The following SNAPC3 variants were observed in gnomAD, a reference collection of about 807,000 sequenced individuals.
SNAPC3 encodes snRNA-activating protein complex subunit 3.
A neutral mutation model predicts 47.7 loss-of-function variants in SNAPC3; 56 were observed. The observed-to-expected ratio is 1.18, with a 90% CI of 0.95 to 1.47. The LOEUF (loss-of-function observed/expected upper bound fraction) is 1.47. SNAPC3 is among the 40% of genes most tolerant of loss of function. The probability of loss-of-function intolerance (pLI) is 0.00; values close to 1 mark genes in which losing one functional copy is unlikely to be tolerated. For missense variants in SNAPC3, 665 were observed against 511.3 expected, an observed-to-expected ratio of 1.30 and a Z score of -2.90; for synonymous variants, 235 against 189.9, an observed-to-expected ratio of 1.24 and a Z score of -1.95.
intron 3 of SNAPC3, among the ~76,000 whole-genome samples, chr9:15,441,340 A>G (rs1368497923): frequency 7.2e-6 from 1 of 138,438 alleles, no homozygotes; most frequent in African/African-American, 2.7e-5. Flanking sequence ...TAATAGCTGT[A>G]TCAATTTGCA....
At position 15,451,216 on chromosome 9, in the gene SNAPC3, A is replaced by C. The variant is rs547078595; in HGVS notation, c.733-104A>C. The C allele has an allele frequency of 1.8e-3, 808 of 456,040 alleles. 3 individuals carry two copies. Among genetic ancestry groups the C allele is most frequent in the African/African-American group, 0.015 (752 of 50,372 alleles). The allele number at this position is 456,040 out of a possible 1,614,324, so 28.2% of individuals were successfully genotyped here. ...GAAAATAGTAGCAGTTTTTTAACAC[A>C]TATTAGTGTGATTTTATGATATATC... On this transcript the variant is annotated intron_variant, in intron 5 of 8. Coordinates refer to ENST00000380821, the MANE Select transcript of SNAPC3 (RefSeq NM_001039697.2).
intron 3 of SNAPC3, among the ~76,000 whole-genome samples, chr9:15,434,447 G>A (rs1178785111): frequency 6.3e-5 from 9 of 142,964 alleles, no homozygotes; most frequent in East Asian, 4.1e-4. Context: ...TCGCTGTGTC[G>A]CCCAGGCTGG....
At chr9:15,423,492 A>G (rs899760861) in intron 1 of SNAPC3, among the ~76,000 whole-genome samples, 2 of 152,174 alleles carry the variant, frequency 1.3e-5, no homozygotes, top group Non-Finnish European at 2.9e-5. Context: ...AATCAGGGCA[A>G]CAGCGACGTG....
chr9:15,463,910 A>ATT (rs1025309413), downstream of SNAPC3: 2 of 155,736 alleles, frequency 1.3e-5, no homozygotes, highest in Non-Finnish European at 2.8e-5. Flanking sequence ...TATTACCTTT[A>ATT]TTTTTTATCA....
downstream of SNAPC3, chr9:15,462,745 A>G (rs76248571): frequency 2.2e-4 from 34 of 152,394 alleles, no homozygotes; most frequent in East Asian, 6.0e-3. Context: ...GAGAAAGGTC[A>G]GTCATCTCTA....
rs41311434 is a variant in SNAPC3, at chr9:15,447,193, T to G, written c.681T>G (p.Ile227Met). ...TTCGATGTGTCAGTGACCTCCAGATTGGTGGTGAATTCAGCAACACTCCTG... is the reference window on the plus strand; with the variant it reads ...TTCGATGTGTCAGTGACCTCCAGATGGGTGGTGAATTCAGCAACACTCCTG... ...DSIRCVSDLQ[I>M]GGEFSNTPDQ... The change falls in exon 5 of 9, where the codon ATT (isoleucine) becomes ATG (methionine). Residue 227 changes from isoleucine (I) to methionine (M), a missense_variant. Transcript: ENST00000380821. 12,167 of 1,614,002 alleles carry G rather than the reference T, an allele frequency of 7.5e-3. 63 individuals carry two copies. The highest frequency in any genetic ancestry group is 9.1e-3 in the Non-Finnish European group (10,752 of 1,179,902).
At chr9:15,439,807 T>G (rs746547620) in intron 3 of SNAPC3, among the ~76,000 whole-genome samples, 4 of 152,204 alleles carry the variant, frequency 2.6e-5, no homozygotes, top group Non-Finnish European at 5.9e-5. Context: ...GTGCTGAGAT[T>G]ACAGGTGTGA....
At chr9:15,431,710 A>G (rs989083808) in intron 2 of SNAPC3, among the ~76,000 whole-genome samples, 6 of 152,256 alleles carry the variant, frequency 3.9e-5, no homozygotes, top group East Asian at 1.9e-4. Context: ...AATGTGTCAC[A>G]TATTTTTCAC....
chr9:15,440,717 A>C (rs2033253966), intron 3 of SNAPC3, among the ~76,000 whole-genome samples: 1 of 152,184 alleles, frequency 6.6e-6, no homozygotes, highest in South Asian at 2.1e-4. Flanking sequence ...TGGGAGGCCG[A>C]GGCGGGCGGA....
chr9:15,465,721 T>TA (rs2035578915), downstream of SNAPC3: 1 of 622,312 alleles, frequency 1.6e-6, no homozygotes. Context: ...GACTTGTTAT[T>TA]AGAACAGTCA....
In SNAPC3 at chr9:15,437,622, GTT is replaced by G. The variant is rs577506548; in HGVS notation, c.477+4001_477+4002del. On this transcript the variant is annotated intron_variant, in intron 3 of 8. Coordinates refer to ENST00000380821, the MANE Select transcript of SNAPC3 (RefSeq NM_001039697.2). ...GTGTCAGTCGAGGTAATGATCTGTTGTTTTTTTTTTTTTTTTGCCCCATCATT... is the reference window on the plus strand; with the variant it reads ...GTGTCAGTCGAGGTAATGATCTGTTGTTTTTTTTTTTTTTGCCCCATCATT... Among the ~76,000 whole-genome samples the G allele has an allele frequency of 5.5e-3, 634 of 115,670 alleles. 3 individuals carry two copies. Among genetic ancestry groups the G allele is most frequent in the African/African-American group, 0.017 (579 of 33,668 alleles). The allele number at this position is 115,670 out of a possible 152,430, so 75.9% of individuals were successfully genotyped here.
At chr9:15,445,828 A>T (rs2033885716) in intron 4 of SNAPC3, among the ~76,000 whole-genome samples, 1 of 152,168 alleles carries the variant, frequency 6.6e-6, no homozygotes, top group African/African-American at 2.4e-5. Flanking sequence ...GTGTGCCTGT[A>T]GTCCCAGTTA....
chr9:15,451,485 C>G, intron 6 of SNAPC3, 83 bp downstream of exon 6: 1 of 570,492 alleles, frequency 1.8e-6, no homozygotes, highest in South Asian at 3.2e-5. Flanking sequence ...CTATTATTGG[C>G]CTATTAAGGA....
chr9:15,463,817 G>C (rs2035413746), downstream of SNAPC3: 1 of 152,232 alleles, frequency 6.6e-6, no homozygotes, highest in African/African-American at 2.4e-5. Context: ...TCTATCTCTA[G>C]AATTGGAATA....
chr9:15,423,084 T>A lies in SNAPC3; in HGVS notation c.205T>A (p.Ser69Thr), dbSNP rs1320453430. 9 of 1,526,964 alleles carry A rather than the reference T, an allele frequency of 5.9e-6. No homozygotes were observed. Among genetic ancestry groups the A allele is most frequent in the East Asian group, 2.5e-5 (1 of 39,692 alleles). 94.6% of individuals were successfully genotyped at this position (1,526,964 alleles called of 1,614,324 possible). A position where few individuals can be genotyped will look rare whatever the true frequency, so the allele number is the denominator to read the frequency against. ...CTTGTCGCTGAGGGAGCCGCCGGCA[T>A]CCGCTCTGCCTGGGAGCCAGGCAGC... ...GDLSLREPPA[S>T]ALPGSQAADS... Residue 69 changes from serine (S) to threonine (T), a missense_variant, in exon 1 of 9, where the codon TCC (serine) becomes ACC (threonine). Coordinates refer to ENST00000380821, the MANE Select transcript of SNAPC3 (RefSeq NM_001039697.2).
chr9:15,436,219 T>C (rs1463115911), intron 3 of SNAPC3, among the ~76,000 whole-genome samples: 2 of 152,258 alleles, frequency 1.3e-5, no homozygotes, highest in Non-Finnish European at 2.9e-5. Flanking sequence ...TCTTTTTCTT[T>C]TGTTGTCCTT....
intron 5 of SNAPC3, among the ~76,000 whole-genome samples, chr9:15,449,664 G>A (rs1378577453): frequency 1.4e-5 from 2 of 144,810 alleles, no homozygotes; most frequent in Admixed American, 7.1e-5. Flanking sequence ...TCTGCCTCTC[G>A]GGTTCACACG....
chr9:15,426,390 G>A (rs2031403118), intron 2 of SNAPC3, among the ~76,000 whole-genome samples: 1 of 152,112 alleles, frequency 6.6e-6, no homozygotes, highest in South Asian at 2.1e-4. Context: ...CTATTGAAAT[G>A]CTCATCACAT....
At chr9:15,426,097 A>G (rs377084846) in intron 2 of SNAPC3, among the ~76,000 whole-genome samples, 109 of 152,156 alleles carry the variant, frequency 7.2e-4, no homozygotes, top group African/African-American at 2.4e-3. Context: ...CTCGTGATCC[A>G]CCCACCTCGG....
Sources: gnomAD v4.1 joint callset for allele counts (sites outside exome capture counted in the v4.1 genomes callset) on GRCh38, gnomAD v4.1.1 for gene constraint, MANE v1.5 for transcripts, NCBI Gene and HGNC (gene_info 2026-07-23, HGNC 2026-07-21) for gene names.